PXYLP1: variants seen among roughly 807,000 people sequenced by gnomAD.
PXYLP1 encodes 2-phosphoxylose phosphatase 1.
In PXYLP1, 17 loss-of-function variants were observed where a neutral mutation model predicts 37.9. That is an observed-to-expected ratio of 0.45 (90% CI 0.31 to 0.67). The LOEUF (loss-of-function observed/expected upper bound fraction) is 0.67, where lower values mean the gene tolerates loss of function less well. Ranked by LOEUF, PXYLP1 falls within the 30% of genes least tolerant of loss-of-function variation. PXYLP1 has a pLI of 0.07. For synonymous variants in PXYLP1, 221 were observed against 232.2 expected (o/e 0.95, Z 0.44); for missense variants, 511 against 612.0 (o/e 0.84, Z 1.74).
At position 141,292,685 on chromosome 3, in the gene PXYLP1, T is replaced by C. The variant is rs1942253510; in HGVS notation, c.923T>C (p.Phe308Ser). The C allele has an allele frequency of 6.2e-7, 1 of 1,613,850 alleles. No individual in the cohort carries two copies. Among genetic ancestry groups the C allele is most frequent in the South Asian group, 1.1e-5 (1 of 91,038 alleles). Residue 308 changes from phenylalanine to serine, a missense_variant, in exon 6 of 6, where the codon TTT becomes TCT. Coordinates refer to ENST00000286353, the MANE Select transcript of PXYLP1 (RefSeq NM_001037172.3). This position sits in a 1 kb window ranked among gnomAD's most constrained non-coding sequence, Gnocchi z 4.3. ...MLCHFCHNVSFPCTRNGCVDM... is the reference protein window; with the variant it reads ...MLCHFCHNVSSPCTRNGCVDM... ...TGCCACTTCTGCCACAATGTCAGCT[T>C]TCCCTGTACCAGAAATGGCTGTGTT... is the stretch of plus-strand genomic sequence containing the variant.
At chr3:141,267,212 G>A (rs1941538684) in intron 2 of PXYLP1, 2 of 152,232 alleles carry the variant, frequency 1.3e-5, no homozygotes, top group African/African-American at 2.4e-5. Context: ...TGTACGTTCA[G>A]TGGAGAAAAG....
At chr3:141,246,676 C>A (rs1940966429) in intron 1 of PXYLP1, among the ~76,000 whole-genome samples, 1 of 152,168 alleles carries the variant, frequency 6.6e-6, no homozygotes, top group Non-Finnish European at 1.5e-5. Flanking sequence ...CTGCTCTGGA[C>A]CAGGCAGTGT....
rs371839120 is a variant in PXYLP1, at chr3:141,292,291, G to C, written c.529G>C (p.Gly177Arg). 9 of 1,599,372 alleles carry C rather than the reference G, an allele frequency of 5.6e-6. No homozygotes were observed. Among genetic ancestry groups the C allele is most frequent in the South Asian group, 1.1e-5 (1 of 89,370 alleles). The change falls in exon 6 of 6, where the codon GGT (glycine) becomes CGT (arginine). Residue 177 changes from glycine (G) to arginine (R), a missense_variant. Coordinates refer to ENST00000286353, the MANE Select transcript of PXYLP1 (RefSeq NM_001037172.3). The surrounding 1 kb of genome is among the most constrained non-coding windows in gnomAD (Gnocchi z 4.3). The part of the protein sequence containing the change: ...QTGVVQHLQN[G>R]QLLRDIYLKK... ...AGGAGTTGTGCAGCATTTGCAGAAC[G>C]GTCAGCTGCTGAGGGATATCTATCT...
chr3:141,249,925 G>A (rs1941102936), intron 1 of PXYLP1, among the ~76,000 whole-genome samples: 1 of 152,062 alleles, frequency 6.6e-6, no homozygotes, highest in South Asian at 2.1e-4. Context: ...CCTGAGAAAT[G>A]ATCAGATGCC....
chr3:141,258,965 G>C (rs6439993), intron 1 of PXYLP1, among the ~76,000 whole-genome samples: 127,998 of 152,186 alleles, frequency 0.84, 54,400 homozygotes, highest in African/African-American at 0.96. Flanking sequence ...CTGACAGGTC[G>C]CTTAAACAAG....
chr3:141,258,144 C>T (rs1288898762), intron 1 of PXYLP1, among the ~76,000 whole-genome samples: 1 of 152,094 alleles, frequency 6.6e-6, no homozygotes, highest in East Asian at 1.9e-4. Flanking sequence ...GGCAGGTCGG[C>T]CTCTGAGGTG....
At chr3:141,233,903 G>A (rs1940594903) in intron 1 of PXYLP1, among the ~76,000 whole-genome samples, 1 of 152,062 alleles carries the variant, frequency 6.6e-6, no homozygotes, top group South Asian at 2.1e-4. Flanking sequence ...CTTCTCCTTG[G>A]CCCTCCCTAC....
intron 2 of PXYLP1, chr3:141,273,972 A>C: frequency 7.1e-6 from 7 of 985,420 alleles, no homozygotes; most frequent in Non-Finnish European, 8.4e-6. Context: ...CCTTCCATCT[A>C]TTTATCTGCC....
intron 4 of PXYLP1, among the ~76,000 whole-genome samples, chr3:141,282,476 C>T (rs1576603920): frequency 1.9e-5 from 2 of 104,214 alleles, no homozygotes; most frequent in South Asian, 3.8e-4. Flanking sequence ...ACTTTCTAAC[C>T]CAGACAAACA....
chr3:141,278,018 C>A (rs995784452), intron 2 of PXYLP1, among the ~76,000 whole-genome samples: 2 of 152,182 alleles, frequency 1.3e-5, no homozygotes, highest in Admixed American at 6.5e-5. Flanking sequence ...AATTAAAGGG[C>A]ATTAGGAAGA....
intron 1 of PXYLP1, among the ~76,000 whole-genome samples, chr3:141,241,626 G>A (rs1295935955): frequency 6.6e-6 from 1 of 152,218 alleles, no homozygotes; most frequent in Non-Finnish European, 1.5e-5. Flanking sequence ...GTTATGAAAA[G>A]GGGGAACAGC....
chr3:141,246,866 G>A (rs1052497518), intron 1 of PXYLP1, among the ~76,000 whole-genome samples: 1 of 152,316 alleles, frequency 6.6e-6, no homozygotes, highest in Admixed American at 6.5e-5. Context: ...TCTCATACAT[G>A]TGTCTCACAC....
In PXYLP1 at chr3:141,279,371, C is replaced by T. The variant is rs1941888934; in HGVS notation, c.239-7C>T. ...TGATAACCAGACAATGTGCTTCTCT[C>T]GCGCAGGTCATGCCCCGCATCATTT... is the stretch of plus-strand genomic sequence containing the variant. On this transcript the variant is annotated splice_region_variant and splice_polypyrimidine_tract_variant and intron_variant, in intron 3 of 5. Coordinates refer to ENST00000286353, the MANE Select transcript of PXYLP1 (RefSeq NM_001037172.3). 2 of 1,613,976 alleles carry T rather than the reference C, an allele frequency of 1.2e-6. No homozygotes were observed. Among genetic ancestry groups the T allele is most frequent in the Admixed American group, 3.3e-5 (2 of 60,004 alleles).
In PXYLP1 at chr3:141,278,741, C is replaced by T. The variant is rs1236785488; in HGVS notation, c.238+241C>T. 4.0e-5 allele frequency among the ~76,000 whole-genome samples: 6 copies of T among 151,630 alleles called. No individual in the cohort carries two copies. In the South Asian group the frequency reaches 8.4e-4, roughly 21 times the overall value. On this transcript the variant is annotated intron_variant, in intron 3 of 5. Transcript: ENST00000286353. ...TGCTCTGAACATACCACGTGGCTCA[C>T]GATCAACCCACCACAAATGTTTGCC...
chr3:141,265,986 T>C (rs1941501537), intron 2 of PXYLP1, among the ~76,000 whole-genome samples: 5 of 151,996 alleles, frequency 3.3e-5, no homozygotes, highest in Admixed American at 1.3e-4. Context: ...TCATTGGAGG[T>C]AGCCAGCGGG....
chr3:141,292,962 A>C lies in PXYLP1; in HGVS notation c.1200A>C (p.Ala400=). The C allele has an allele frequency of 2.5e-6, 4 of 1,614,188 alleles. No individual in the cohort carries two copies. Among genetic ancestry groups the C allele is most frequent in the South Asian group, 1.1e-5 (1 of 91,084 alleles). Residue 400 remains alanine (A), a synonymous_variant, in exon 6 of 6, where the codon GCA becomes GCC. Transcript: ENST00000286353. The surrounding 1 kb of genome is among the most constrained non-coding windows in gnomAD (Gnocchi z 4.3). The stretch of plus-strand genomic sequence containing the variant: ...CAGAAGCCAGGTTCCCAAGGTTTGC[A>C]GCCAGGTTGATCTTTGAGCTTTGGC... ...GLSEARFPRF[A]ARLIFELWQD...
chr3:141,266,703 G>GGAGAGATGAGGGGGAGAGAGC (rs1366758192), intron 2 of PXYLP1, among the ~76,000 whole-genome samples: 2 of 141,124 alleles, frequency 1.4e-5, no homozygotes, highest in African/African-American at 5.2e-5. Context: ...GGGGAGAGAG[G>GGAGAGATGAGGGGGAGAGAGC]GAGAGACGGC....
At chr3:141,266,715 G>C (rs531887121) in intron 2 of PXYLP1, among the ~76,000 whole-genome samples, 2 of 147,606 alleles carry the variant, frequency 1.4e-5, no homozygotes, top group South Asian at 2.3e-4. Flanking sequence ...AGAGACGGCG[G>C]GGGGAGAGAG....
At position 141,260,170 on chromosome 3, in the gene PXYLP1, TTAA is replaced by T. The variant is rs1231863736; in HGVS notation, c.-1_2del. ...AAACCATGAAGAGAAAATAGAATACTTAATAATGCTTTTCCGCAACCGCTTCTT... is the reference window on the plus strand; with the variant it reads ...AAACCATGAAGAGAAAATAGAATACTTAATGCTTTTCCGCAACCGCTTCTT... On this transcript the variant is annotated 5_prime_UTR_variant, in exon 2 of 6. Coordinates refer to ENST00000286353, the MANE Select transcript of PXYLP1 (RefSeq NM_001037172.3). The T allele has an allele frequency of 1.9e-6, 3 of 1,613,868 alleles. No homozygotes were observed. Among genetic ancestry groups the T allele is most frequent in the East Asian group, 2.2e-5 (1 of 44,896 alleles).
Sources: gnomAD v4.1 joint callset for allele counts (sites outside exome capture counted in the v4.1 genomes callset) on GRCh38, gnomAD v4.1.1 for gene constraint, Gnocchi (gnomAD v3.1) non-coding constraint, MANE v1.5 for transcripts, NCBI Gene and HGNC (gene_info 2026-07-23, HGNC 2026-07-21) for gene names.